The following RBFOX3 variants were observed in gnomAD, a reference collection of about 807,000 sequenced individuals.
RBFOX3 encodes the protein RNA binding protein fox-1 homolog 3.
A neutral mutation model predicts 48.7 loss-of-function variants in RBFOX3; 17 were observed. The ratio of observed to expected loss-of-function variants is 0.35; its 90% CI spans 0.24 to 0.52. The LOEUF (loss-of-function observed/expected upper bound fraction) is 0.52, where lower values mean the gene tolerates loss of function less well. Among genes scored for constraint, RBFOX3 ranks in the 20% least tolerant of loss-of-function variants. The pLI, the probability that RBFOX3 is intolerant of heterozygous loss-of-function variation, is 0.94. For missense variants in RBFOX3, 382 were observed against 497.5 expected, an observed-to-expected ratio of 0.77 and a Z score of 2.21; for synonymous variants, 212 against 209.5, an observed-to-expected ratio of 1.01 and a Z score of -0.10.
chr17:79,500,250 CTTTTT>C (rs1222646327), intron 1 of RBFOX3, among the ~76,000 whole-genome samples: 1 of 104,242 alleles, frequency 9.6e-6, no homozygotes. Context: ...AGAGAAATGA[CTTTTT>C]TTTTTTTTTT....
chr17:79,646,263 G>A, the RBFOX3 span, among the ~76,000 whole-genome samples: 1,304 of 152,230 alleles, frequency 8.6e-3, 5 homozygotes, highest in Non-Finnish European at 0.014. Context: ...AATGTCCCAG[G>A]TATTGTTCAG....
At chr17:79,440,500 G>A (rs782081597) in intron 2 of RBFOX3, among the ~76,000 whole-genome samples, 2 of 152,134 alleles carry the variant, frequency 1.3e-5, no homozygotes, top group South Asian at 2.1e-4. Flanking sequence ...AGCCGAAGCC[G>A]GTGACCACAG....
At chr17:79,573,296 GAGCTGGGCATCGA>G (rs1447703530) in intron 1 of RBFOX3, among the ~76,000 whole-genome samples, 4 of 152,236 alleles carry the variant, frequency 2.6e-5, no homozygotes, top group African/African-American at 9.6e-5. Context: ...AAGGCAGAGG[GAGCTGGGCATCGA>G]GACTGGGCTC....
chr17:79,592,236 G>A (rs2093442356), intron 1 of RBFOX3, among the ~76,000 whole-genome samples: 1 of 141,602 alleles, frequency 7.1e-6, no homozygotes, highest in African/African-American at 3.0e-5. Flanking sequence ...GTGGAGTATT[G>A]TCGTCTGTGG....
In RBFOX3 at chr17:79,229,349, G is replaced by T. The variant is rs571440137; in HGVS notation, c.-34+6417C>A. Among the ~76,000 whole-genome samples the T allele has an allele frequency of 2.0e-5, 3 of 150,814 alleles. No homozygotes were observed. In the East Asian group the frequency reaches 5.9e-4, roughly 29 times the overall value. On this transcript the variant is annotated intron_variant, in intron 4 of 14. Transcript: ENST00000693108. Reference sequence around the variant, plus strand: ...AGGAGGGCAGATCACTTGAGGTCAGGAGTTTGACACCAGCCTGACCAACAT... The same window carrying T: ...AGGAGGGCAGATCACTTGAGGTCAGTAGTTTGACACCAGCCTGACCAACAT...
rs142041358 is a variant in RBFOX3, at chr17:79,404,062, A to G, written c.-175+78392T>C. On this transcript the variant is annotated intron_variant, in intron 2 of 14. Transcript: ENST00000693108. ...CAAAGTGCTGGGATTACAGGCGTGA[A>G]CCACCACACCCGGCCCAGGATGTTC... Among the ~76,000 whole-genome samples the G allele has an allele frequency of 9.2e-4, 140 of 152,144 alleles. No homozygotes were observed. The East Asian group carries it at 0.015, about 16-fold the overall frequency.
intron 9 of RBFOX3, chr17:79,100,116 G>A (rs1408417148): frequency 6.6e-6 from 1 of 152,232 alleles, no homozygotes; most frequent in African/African-American, 2.4e-5. Context: ...TGCCCCTCAT[G>A]AGCCGCATAG....
chr17:79,402,344 C>T (rs375605258), intron 2 of RBFOX3, among the ~76,000 whole-genome samples: 6 of 152,222 alleles, frequency 3.9e-5, no homozygotes, highest in Non-Finnish European at 8.8e-5. Context: ...TGGGGAGAGA[C>T]GCTTTCTGAC....
chr17:79,333,894 A>T (rs1000404212), intron 2 of RBFOX3, among the ~76,000 whole-genome samples: 3 of 152,038 alleles, frequency 2.0e-5, no homozygotes, highest in South Asian at 2.1e-4. Context: ...CCTCTCCCAG[A>T]TGCCGAGGTG....
intron 4 of RBFOX3, among the ~76,000 whole-genome samples, chr17:79,216,015 G>T (rs1329600783): frequency 6.6e-6 from 1 of 152,254 alleles, no homozygotes; most frequent in Non-Finnish European, 1.5e-5. Flanking sequence ...TGATGGTCTT[G>T]GGGTCACCCA....
chr17:79,178,415 A>G (rs1348437684), intron 4 of RBFOX3, among the ~76,000 whole-genome samples: 1 of 152,232 alleles, frequency 6.6e-6, no homozygotes, highest in Non-Finnish European at 1.5e-5. Context: ...AGGGGTTGGA[A>G]AAGGACCAGA....
chr17:79,215,229 C>A (rs68140879), intron 4 of RBFOX3, among the ~76,000 whole-genome samples: 29 of 148,044 alleles, frequency 2.0e-4, no homozygotes, highest in Non-Finnish European at 3.1e-4. Context: ...TGCATGCTGC[C>A]GCCCTCGTGC....
intron 2 of RBFOX3, among the ~76,000 whole-genome samples, chr17:79,313,733 C>T (rs2077161803): frequency 6.6e-6 from 1 of 152,194 alleles, no homozygotes; most frequent in Non-Finnish European, 1.5e-5. Context: ...GGCTTCAGCC[C>T]CGACCTCCCA....
intron 2 of RBFOX3, among the ~76,000 whole-genome samples, chr17:79,312,765 G>GTGC (rs2077029761): frequency 6.6e-6 from 1 of 152,188 alleles, no homozygotes. Context: ...TTAATAAACT[G>GTGC]TGCTGCTGCT....
At chr17:79,142,212 C>G (rs2042054074) in intron 4 of RBFOX3, among the ~76,000 whole-genome samples, 1 of 152,128 alleles carries the variant, frequency 6.6e-6, no homozygotes, top group African/African-American at 2.4e-5. Context: ...TCCCTGTGTG[C>G]CTTGTCTGTA....
At chr17:79,655,843 C>T in the RBFOX3 span, among the ~76,000 whole-genome samples, 3 of 152,270 alleles carry the variant, frequency 2.0e-5, no homozygotes, top group Middle Eastern at 3.4e-3. Context: ...CTCACCCCAG[C>T]CCCACACCAG....
chr17:79,112,174 G>A lies in RBFOX3; in HGVS notation c.222+3320C>T, dbSNP rs139943121. ...ATGTAGCTGGAAAGTCACTGGGGGT[G>A]GTCGGGACCCACCCGAGGGTATCGA... On this transcript the variant is annotated intron_variant, in intron 5 of 14. Transcript: ENST00000693108. Among the ~76,000 whole-genome samples the A allele has an allele frequency of 1.9e-4, 29 of 152,306 alleles. No homozygotes were observed. In the East Asian group the frequency reaches 5.0e-3, roughly 26 times the overall value.
At chr17:79,536,091 C>A (rs1038584146) in intron 1 of RBFOX3, among the ~76,000 whole-genome samples, 1 of 152,142 alleles carries the variant, frequency 6.6e-6, no homozygotes, top group African/African-American at 2.4e-5. Flanking sequence ...CCAGGCAGTT[C>A]GGCCCCAGAC....
At chr17:79,146,450 T>C (rs2043058735) in intron 4 of RBFOX3, among the ~76,000 whole-genome samples, 1 of 152,234 alleles carries the variant, frequency 6.6e-6, no homozygotes, top group Non-Finnish European at 1.5e-5. Context: ...GGGTGTTGCT[T>C]GGACTTGAAC....
Sources: gnomAD v4.1 joint callset for allele counts (sites outside exome capture counted in the v4.1 genomes callset) on GRCh38, gnomAD v4.1.1 for gene constraint, MANE v1.5 for transcripts, NCBI Gene and HGNC (gene_info 2026-07-23, HGNC 2026-07-21) for gene names.